AKR1A1: variants seen among roughly 807,000 people sequenced by gnomAD.
AKR1A1 encodes aldo-keto reductase family 1 member A1, also known as HEL-S-165mP.
In AKR1A1, 26 loss-of-function variants were observed where a neutral mutation model predicts 39.2. The observed-to-expected ratio is 0.66, with a 90% CI of 0.49 to 0.92. The LOEUF (loss-of-function observed/expected upper bound fraction) is 0.92, where lower values mean the gene tolerates loss of function less well. AKR1A1 is among the 40% of genes least tolerant of loss of function. The probability of loss-of-function intolerance (pLI) is 0.00; values close to 1 mark genes in which losing one functional copy is unlikely to be tolerated. For synonymous variants in AKR1A1, 141 were observed against 155.5 expected (o/e 0.91, Z 0.69); for missense variants, 378 against 406.5 (o/e 0.93, Z 0.60).
intron 1 of AKR1A1, among the ~76,000 whole-genome samples, chr1:45,557,519 G>GT (rs1644220416): frequency 6.6e-6 from 1 of 152,174 alleles, no homozygotes; most frequent in South Asian, 2.1e-4. Context: ...CAAGATTCAG[G>GT]TTTCTTCTTC....
chr1:45,552,837 A>C (rs1045248908), intron 1 of AKR1A1, among the ~76,000 whole-genome samples: 1 of 152,178 alleles, frequency 6.6e-6, no homozygotes, highest in African/African-American at 2.4e-5. Context: ...GTAAAGAGTG[A>C]TGGTCAGCTG....
chr1:45,560,400 GTCAGAAGT>G (rs2148296212), intron 1 of AKR1A1, among the ~76,000 whole-genome samples: 1 of 152,290 alleles, frequency 6.6e-6, no homozygotes, highest in East Asian at 1.9e-4. Flanking sequence ...ATAGCTTGAG[GTCAGAAGT>G]TCAAGACCAG....
intron 2 of AKR1A1, among the ~76,000 whole-genome samples, chr1:45,565,122 A>AT (rs11351880): frequency 0.025 from 1,314 of 53,566 alleles, 48 homozygotes; most frequent in East Asian, 0.076. Flanking sequence ...ACACCCAGCC[A>AT]TTTTTTTTTT....
At position 45,568,047 on chromosome 1, in the gene AKR1A1, A is replaced by AGGAGT; in HGVS notation, c.426_427insTGGAG (p.Thr143TrpfsTer56). 2 of 1,614,064 alleles carry AGGAGT rather than the reference A, an allele frequency of 1.2e-6. No individual in the cohort carries two copies. Among genetic ancestry groups the AGGAGT allele is most frequent in the Non-Finnish European group, 1.7e-6 (2 of 1,180,024 alleles). ...ATATGCTACGACTCCACCCACTACA[A>AGGAGT]GGAGACTTGGAAGGCTCTGGAGGCA... On this transcript the variant is annotated frameshift_variant, in exon 5 of 9. Coordinates refer to ENST00000351829, the MANE Select transcript of AKR1A1 (RefSeq NM_153326.3). LOFTEE classifies it high-confidence loss of function.
intron 4 of AKR1A1, 156 bp from the exon 5 acceptor site, chr1:45,567,826 C>CAAA (rs372088222): frequency 3.5e-4 from 184 of 532,968 alleles, no homozygotes; most frequent in Non-Finnish European, 4.1e-4. Context: ...GACTCCATCT[C>CAAA]AAAAAAAAAA....
Position 45,569,290 on chromosome 1 carries a change from C to T in AKR1A1, c.912+61C>T, listed in dbSNP as rs149157522. 8.6e-6 allele frequency: 12 copies of T among 1,390,114 alleles called. No individual in the cohort carries two copies. In the African/African-American group the frequency reaches 9.9e-5, roughly 11 times the overall value. The allele number at this position is 1,390,114 out of a possible 1,614,324, so 86.1% of individuals were successfully genotyped here. On this transcript the variant is annotated intron_variant, in intron 8 of 8. Transcript: ENST00000351829. Reference sequence around the variant, plus strand: ...TGAGATTTGGGGTGGGATTCTGGCCCAGGTGTGACCTAAGGCTTGCTGGTT... The same window carrying T: ...TGAGATTTGGGGTGGGATTCTGGCCTAGGTGTGACCTAAGGCTTGCTGGTT...
chr1:45,567,985 G>T lies in AKR1A1; in HGVS notation c.360G>T (p.Arg120=). ...YLMHWPYAFE[R]GDNPFPKNAD... Reference sequence around the variant, plus strand: ...GGTGGGGCTGTCTCTCACTCAGGCGGGGAGACAACCCCTTCCCCAAGAATG... The same window carrying T: ...GGTGGGGCTGTCTCTCACTCAGGCGTGGAGACAACCCCTTCCCCAAGAATG... The change falls in exon 5 of 9, where the codon CGG becomes CGT. Residue 120 remains arginine, a synonymous_variant. Coordinates refer to ENST00000351829, the MANE Select transcript of AKR1A1 (RefSeq NM_153326.3). 1 of 1,610,970 alleles carries T rather than the reference G, an allele frequency of 6.2e-7. No homozygotes were observed. Among genetic ancestry groups the T allele is most frequent in the Middle Eastern group, 1.7e-4 (1 of 6,050 alleles).
At chr1:45,557,927 T>TTTTTTTTTTTTTA (rs1644227267) in intron 1 of AKR1A1, among the ~76,000 whole-genome samples, 1 of 148,252 alleles carries the variant, frequency 6.7e-6, no homozygotes, top group Non-Finnish European at 1.5e-5. Flanking sequence ...TTTTTTTTTT[T>TTTTTTTTTTTTTA]GAGATGGAGC....
chr1:45,559,285 G>A (rs920175012), intron 1 of AKR1A1, among the ~76,000 whole-genome samples: 21 of 152,276 alleles, frequency 1.4e-4, no homozygotes, highest in African/African-American at 4.6e-4. Context: ...CTGACAAAAC[G>A]AGTATTCTTG....
intron 1 of AKR1A1, chr1:45,552,322 G>A (rs1557627270): frequency 6.6e-6 from 1 of 151,294 alleles, no homozygotes; most frequent in Non-Finnish European, 1.5e-5. Context: ...TAAACTACAT[G>A]CCACTGTGCC....
intron 1 of AKR1A1, among the ~76,000 whole-genome samples, chr1:45,559,520 C>G (rs1363638614): frequency 6.6e-6 from 1 of 151,838 alleles, no homozygotes; most frequent in Non-Finnish European, 1.5e-5. Flanking sequence ...TTCTGTAGTA[C>G]ATCATACTTG....
intron 2 of AKR1A1, 94 bp downstream of exon 2, chr1:45,561,972 A>G (rs1303249694): frequency 8.0e-7 from 1 of 1,246,150 alleles, no homozygotes; most frequent in Non-Finnish European, 1.2e-6. Context: ...AGCGGGGATG[A>G]GCCAGTGGGA....
chr1:45,568,224 A>G, intron 5 of AKR1A1, 47 bp downstream of exon 5: 1 of 1,551,642 alleles, frequency 6.4e-7, no homozygotes, highest in East Asian at 2.3e-5. Context: ...TCTGCTCAAG[A>G]GCATGAGGGA....
intron 2 of AKR1A1, among the ~76,000 whole-genome samples, chr1:45,564,080 A>G (rs1408637142): frequency 1.3e-5 from 2 of 152,236 alleles, no homozygotes; most frequent in Admixed American, 6.5e-5. Flanking sequence ...CAGAGAGAAC[A>G]GATTCTTCTA....
Position 45,561,940 on chromosome 1 carries a change from C to G in AKR1A1, c.84+62C>G, listed in dbSNP as rs1001986752. 27 of 1,526,454 alleles carry G rather than the reference C, an allele frequency of 1.8e-5. No homozygotes were observed. In the African/African-American group the frequency reaches 2.5e-4, roughly 14 times the overall value. The allele number at this position is 1,526,454 out of a possible 1,614,324, so 94.6% of individuals were successfully genotyped here. A position where few individuals can be genotyped will look rare whatever the true frequency, so the allele number is the denominator to read the frequency against. On this transcript the variant is annotated intron_variant, in intron 2 of 8. Coordinates refer to ENST00000351829, the MANE Select transcript of AKR1A1 (RefSeq NM_153326.3). ...CCTCTGCCTGCATTTTCCTAGCAGCCCCACCCCCATACTCCCCTTCCAGCG... is the reference window on the plus strand; with the variant it reads ...CCTCTGCCTGCATTTTCCTAGCAGCGCCACCCCCATACTCCCCTTCCAGCG...
chr1:45,568,174 G>T lies in AKR1A1; in HGVS notation c.549G>T (p.Leu183Phe). Residue 183 changes from leucine to phenylalanine, a missense_variant, in exon 5 of 9, where the codon TTG becomes TTT. Physicochemically the swap from Leu to Phe is conservative, Grantham distance 22. Transcript: ENST00000351829. ...LSVASVRPAV[L>F]QVECHPYLAQ... The stretch of plus-strand genomic sequence containing the variant: ...TGGCCTCCGTGCGTCCAGCTGTCTT[G>T]CAGGTAAGGACAGCAAGCAGATGAG... 6.2e-7 allele frequency: 1 copy of T among 1,611,556 alleles called. No individual in the cohort carries two copies. The highest frequency in any genetic ancestry group is 8.5e-7 in the Non-Finnish European group (1 of 1,178,826).
At position 45,554,754 on chromosome 1, in the gene AKR1A1, G is replaced by A. The variant is rs534776661; in HGVS notation, c.-7+3599G>A. Among the ~76,000 whole-genome samples the A allele has an allele frequency of 4.1e-4, 62 of 152,254 alleles. 1 individual carries two copies. In the South Asian group the frequency reaches 0.012, roughly 30 times the overall value. On this transcript the variant is annotated intron_variant, in intron 1 of 8. Coordinates refer to ENST00000351829, the MANE Select transcript of AKR1A1 (RefSeq NM_153326.3). The stretch of plus-strand genomic sequence containing the variant: ...GGCCCAAGCTGGAGTGCAGTGGTGT[G>A]ATTTCAGCTCATTGCAACCTCTGCC...
rs185932472 is a variant in AKR1A1 at position 45,563,588 on chromosome 1, G to A, written c.84+1710G>A. Among the ~76,000 whole-genome samples the A allele has an allele frequency of 3.8e-4, 58 of 151,936 alleles. No homozygotes were observed. The East Asian group carries it at 0.011, about 29-fold the overall frequency. On this transcript the variant is annotated intron_variant, in intron 2 of 8. Transcript: ENST00000351829. ...GCGGATCACCTGAGGTTGGGAGTTCGAGACCAGCCTGACCAACACGGAGAA... is the reference window on the plus strand; with the variant it reads ...GCGGATCACCTGAGGTTGGGAGTTCAAGACCAGCCTGACCAACACGGAGAA...
chr1:45,562,634 C>T (rs553412631), intron 2 of AKR1A1, among the ~76,000 whole-genome samples: 4 of 152,100 alleles, frequency 2.6e-5, no homozygotes, highest in African/African-American at 7.2e-5. Context: ...CTCAGCCTCC[C>T]GAGTAGCTGG....
Sources: gnomAD v4.1 joint callset for allele counts (sites outside exome capture counted in the v4.1 genomes callset) on GRCh38, gnomAD v4.1.1 for gene constraint, MANE v1.5 for transcripts, NCBI Gene and HGNC (gene_info 2026-07-23, HGNC 2026-07-21) for gene names.